Variants in DMD observed in about 807,000 individuals in gnomAD.
The protein encoded by DMD is dystrophin, also known as mutant dystrophin.
Under a neutral mutation model 330.1 loss-of-function variants are expected in DMD, and 63 were observed. That is an observed-to-expected ratio of 0.19 (90% CI 0.16 to 0.24). The LOEUF (loss-of-function observed/expected upper bound fraction) is 0.24, where lower values mean the gene tolerates loss of function less well. Ranked by LOEUF, DMD falls within the 10% of genes least tolerant of loss-of-function variation. The pLI is 1.00. For missense variants in DMD, 3,344 were observed against 2,684.1 expected, an observed-to-expected ratio of 1.25 and a Z score of -5.43; for synonymous variants, 1,223 against 959.8, an observed-to-expected ratio of 1.27 and a Z score of -5.07.
chrX:33,240,258 T>A (rs1055242222), intron 1 of DMD, among the ~76,000 whole-genome samples: 3 of 111,806 alleles, frequency 2.7e-5, no homozygotes, highest in Non-Finnish European at 3.8e-5. Flanking sequence ...GTAACCAACA[T>A]TTTATTCTCT....
At chrX:32,229,171 T>A (rs1322013420) in intron 43 of DMD, among the ~76,000 whole-genome samples, 2 of 111,307 alleles carry the variant, frequency 1.8e-5, no homozygotes, top group East Asian at 5.7e-4. Context: ...TCTCCTATAA[T>A]ATACTATCCT....
At chrX:32,250,209 G>A (rs2097258120) in intron 43 of DMD, among the ~76,000 whole-genome samples, 1 of 111,293 alleles carries the variant, frequency 9.0e-6, no homozygotes, top group African/African-American at 3.3e-5. Flanking sequence ...ATATATCTCA[G>A]TGGGAGTATT....
chrX:33,008,908 TC>T (rs376552130), intron 2 of DMD, among the ~76,000 whole-genome samples: 7 of 78,634 alleles, frequency 8.9e-5, no homozygotes, highest in East Asian at 4.5e-4. Flanking sequence ...ATACACATAC[TC>T]ATATATGTAT....
At chrX:33,232,783 T>C (rs1431616951) in intron 1 of DMD, among the ~76,000 whole-genome samples, 1 of 111,221 alleles carries the variant, frequency 9.0e-6, no homozygotes, top group Non-Finnish European at 1.9e-5. Flanking sequence ...TCCCAGCTAC[T>C]CAAGAGACTG....
intron 1 of DMD, among the ~76,000 whole-genome samples, chrX:33,076,899 C>T (rs758353547): frequency 7.2e-5 from 8 of 111,174 alleles, no homozygotes; most frequent in Non-Finnish European, 1.3e-4. Flanking sequence ...CCCAAGCATT[C>T]GGGGAGCAGA....
chrX:32,776,760 A>C (rs1056531783), intron 7 of DMD, among the ~76,000 whole-genome samples: 1 of 111,892 alleles, frequency 8.9e-6, no homozygotes, highest in Non-Finnish European at 1.9e-5. Flanking sequence ...TTATTAATGC[A>C]GAATAAATTG....
At chrX:31,168,572 CG>C (rs2039662490) in intron 74 of DMD, among the ~76,000 whole-genome samples, 1 of 111,555 alleles carries the variant, frequency 9.0e-6, no homozygotes, top group Non-Finnish European at 1.9e-5. Context: ...AGACACACTG[CG>C]TTGCCTACGT....
intron 47 of DMD, among the ~76,000 whole-genome samples, chrX:31,924,435 T>G (rs2149955075): frequency 8.9e-6 from 1 of 112,193 alleles, no homozygotes; most frequent in Non-Finnish European, 1.9e-5. Flanking sequence ...AAATCTGAAA[T>G]GTTTACTCCT....
At chrX:31,177,146 CTT>C (rs1468662622) in intron 71 of DMD, among the ~76,000 whole-genome samples, 1 of 111,241 alleles carries the variant, frequency 9.0e-6, no homozygotes, top group African/African-American at 3.3e-5. Flanking sequence ...AAAATAGGCA[CTT>C]TGTTTGCTAA....
Position 32,551,473 on chromosome X carries a change from T to A in DMD, c.1993-6139A>T, listed in dbSNP as rs932680092. On this transcript the variant is annotated intron_variant, in intron 16 of 78. Coordinates refer to ENST00000357033, the MANE Select transcript of DMD (RefSeq NM_004006.3). ...TAAAAATCCTCGACAAACTAGGCACTGAAGGAACATATTTCAAAGTAATTA... is the reference window on the plus strand; with the variant it reads ...TAAAAATCCTCGACAAACTAGGCACAGAAGGAACATATTTCAAAGTAATTA... Among the ~76,000 whole-genome samples, 7 of 111,732 alleles carry A rather than the reference T, an allele frequency of 6.3e-5. No homozygotes were observed. In the East Asian group the frequency reaches 1.1e-3, roughly 18 times the overall value.
chrX:33,325,164 A>T (rs2054071814), intron 1 of DMD, among the ~76,000 whole-genome samples: 1 of 111,942 alleles, frequency 8.9e-6, no homozygotes, highest in Non-Finnish European at 1.9e-5. Flanking sequence ...ATTAAATTCC[A>T]CTATGTATAA....
At chrX:33,047,569 A>C (rs2094400275) in intron 1 of DMD, among the ~76,000 whole-genome samples, 1 of 112,035 alleles carries the variant, frequency 8.9e-6, no homozygotes, top group South Asian at 3.6e-4. Context: ...TAGAAATAAA[A>C]ACAAAAATTA....
At chrX:32,511,565 T>C (rs1308988617) in intron 18 of DMD, among the ~76,000 whole-genome samples, 1 of 106,665 alleles carries the variant, frequency 9.4e-6, no homozygotes, top group African/African-American at 3.4e-5. Flanking sequence ...AAGTCATTAA[T>C]TTTCTTCTTG....
Position 31,119,851 on chromosome X carries a change from G to GT in DMD, c.*2067dup, listed in dbSNP as rs772673978. 9.0e-6 allele frequency: 1 copy of GT among 111,115 alleles called. No individual in the cohort carries two copies. The highest frequency in any genetic ancestry group is 3.3e-5 in the African/African-American group (1 of 30,429). The allele number at this position is 111,115 out of a possible 1,213,427, so 9.2% of individuals were successfully genotyped here. On this transcript the variant is annotated 3_prime_UTR_variant, in exon 79 of 79. Coordinates refer to ENST00000357033, the MANE Select transcript of DMD (RefSeq NM_004006.3). ...GTAATTTGTTACCTTAGAGCTTTGGGTTTTCTTTTGAAAATTATGAAGGAA... is the reference window on the plus strand; with the variant it reads ...GTAATTTGTTACCTTAGAGCTTTGGGTTTTTCTTTTGAAAATTATGAAGGAA...
At chrX:32,743,758 A>G (rs1358875192) in intron 7 of DMD, among the ~76,000 whole-genome samples, 3 of 111,241 alleles carry the variant, frequency 2.7e-5, no homozygotes, top group East Asian at 2.8e-4. Context: ...GGTTCCCCCA[A>G]GATAAGGGCA....
chrX:31,321,607 A>AAAG (rs1556500805), intron 62 of DMD, among the ~76,000 whole-genome samples: 8 of 89,279 alleles, frequency 9.0e-5, no homozygotes, highest in African/African-American at 4.1e-4. Flanking sequence ...AAAAAAAAAA[A>AAAG]AAAGAAAGAA....
chrX:32,892,716 C>G (rs759323980), intron 2 of DMD, among the ~76,000 whole-genome samples: 2 of 111,922 alleles, frequency 1.8e-5, no homozygotes, highest in Admixed American at 1.9e-4. Context: ...TCTTTCATAA[C>G]ATTACACACC....
chrX:31,266,938 A>G (rs1429908443), intron 62 of DMD: 5 of 1,143,958 alleles, frequency 4.4e-6, no homozygotes, highest in Non-Finnish European at 5.8e-6. Flanking sequence ...GCCCAAGCTC[A>G]CAGCTGAAAG....
At chrX:31,906,691 T>C (rs985193222) in intron 47 of DMD, among the ~76,000 whole-genome samples, 43 of 111,188 alleles carry the variant, frequency 3.9e-4, no homozygotes, top group African/African-American at 1.3e-3. Flanking sequence ...TACAGTGAAT[T>C]TTCCAGAGAT....
Sources: allele counts gnomAD v4.1 joint callset (sites outside exome capture counted in the v4.1 genomes callset), GRCh38; gene constraint gnomAD v4.1.1; transcripts MANE v1.5; gene names NCBI Gene and HGNC (gene_info 2026-07-23, HGNC 2026-07-21).